Variants in CACNB2 observed in about 807,000 individuals in gnomAD.
The protein encoded by CACNB2 is calcium voltage-gated channel auxiliary subunit beta 2.
Under a neutral mutation model 73.3 loss-of-function variants are expected in CACNB2, and 42 were observed. That is an observed-to-expected ratio of 0.57 (90% confidence interval 0.45 to 0.74). CACNB2 has a LOEUF of 0.74. CACNB2 is among the 30% of genes least tolerant of loss of function. The pLI is 0.00. For missense variants in CACNB2, 940 were observed against 853.0 expected (o/e 1.10, Z -1.27); for synonymous variants, 348 against 310.3 (o/e 1.12, Z -1.28).
At chr10:18,496,791 G>T (rs1675080214) in intron 3 of CACNB2, among the ~76,000 whole-genome samples, 1 of 111,700 alleles carries the variant, frequency 9.0e-6, no homozygotes, top group Non-Finnish European at 1.7e-5. Flanking sequence ...TCCAGCTTGG[G>T]CAACAAGAGC....
chr10:18,437,787 C>G (rs1053566850), intron 3 of CACNB2, among the ~76,000 whole-genome samples: 2 of 152,072 alleles, frequency 1.3e-5, no homozygotes, highest in African/African-American at 4.8e-5. Context: ...GAATCTCCTT[C>G]TATTTGGGCA....
intron 1 of CACNB2, among the ~76,000 whole-genome samples, chr10:18,141,813 A>G (rs931786828): frequency 3.3e-5 from 5 of 152,176 alleles, no homozygotes; most frequent in Admixed American, 2.0e-4. Flanking sequence ...TTGGCTGGCC[A>G]GTGATGTGAA....
intron 2 of CACNB2, among the ~76,000 whole-genome samples, chr10:18,230,067 C>T (rs1230644097): frequency 2.0e-5 from 3 of 152,176 alleles, no homozygotes; most frequent in East Asian, 1.9e-4. Context: ...TCACTGATTG[C>T]ATTCCATGAA....
chr10:18,514,657 C>A, intron 7 of CACNB2: 3 of 1,144,126 alleles, frequency 2.6e-6, no homozygotes, highest in South Asian at 1.3e-5. Flanking sequence ...TAATTGAGTT[C>A]ATGCATTTCA....
rs527237327 is a variant in CACNB2, at chr10:18,297,679, C to A, written c.214-104245C>A. ...AACCTGAGCCCAGGGCTGCTCCACT[C>A]CCTGCTCTCTACCTTCTTCCCCTTG... On this transcript the variant is annotated intron_variant, in intron 2 of 13. Coordinates refer to ENST00000324631, the MANE Select transcript of CACNB2 (RefSeq NM_201596.3). Among the ~76,000 whole-genome samples, 85 of 152,308 alleles carry A rather than the reference C, an allele frequency of 5.6e-4. No homozygotes were observed. In the South Asian group the frequency reaches 0.017, roughly 30 times the overall value.
rs145290748 is a variant in CACNB2 at position 18,183,150 on chromosome 10, C to T, written c.213+32175C>T. ...AGGCTCTTCTTTCTCATCTGTAAAACGCAGATCCCAGTATCAACCCACACA... is the reference window on the plus strand; with the variant it reads ...AGGCTCTTCTTTCTCATCTGTAAAATGCAGATCCCAGTATCAACCCACACA... On this transcript the variant is annotated intron_variant, in intron 2 of 13. Coordinates refer to ENST00000324631, the MANE Select transcript of CACNB2 (RefSeq NM_201596.3). Among the ~76,000 whole-genome samples, 505 of 152,064 alleles carry T rather than the reference C, an allele frequency of 3.3e-3. 2 individuals carry two copies. Among genetic ancestry groups the T allele is most frequent in the African/African-American group, 0.012 (485 of 41,468 alleles).
Position 18,538,318 on chromosome 10 carries a change from G to C in CACNB2, c.1441G>C (p.Ala481Pro), listed in dbSNP as rs146623389. ...LPNPLLSRTL[A>P]TSSLPLSPTL... ...CAACCCTCTCCTTAGCCGTACATTA[G>C]CCACTTCAAGTCTGCCTCTTAGCCC... Residue 481 changes from alanine to proline, a missense_variant, in exon 13 of 14, where the codon GCC (alanine) becomes CCC (proline). By Grantham distance (27) the Ala-to-Pro change is conservative (BLOSUM62 -1). Coordinates refer to ENST00000324631, the MANE Select transcript of CACNB2 (RefSeq NM_201596.3). The C allele has an allele frequency of 6.2e-7, 1 of 1,614,116 alleles. No individual in the cohort carries two copies.
At chr10:18,215,806 C>T (rs909684030) in intron 2 of CACNB2, among the ~76,000 whole-genome samples, 8 of 152,154 alleles carry the variant, frequency 5.3e-5, no homozygotes, top group African/African-American at 1.7e-4. Context: ...TGCCCACTCC[C>T]AAGGCCATGT....
At chr10:18,253,809 T>C (rs2131563656) in intron 2 of CACNB2, among the ~76,000 whole-genome samples, 1 of 152,286 alleles carries the variant, frequency 6.6e-6, no homozygotes, top group East Asian at 1.9e-4. Flanking sequence ...CCCCCGACTC[T>C]GGAGCATGAA....
At chr10:18,503,117 CTT>C (rs2050297890) in intron 5 of CACNB2, among the ~76,000 whole-genome samples, 3 of 152,122 alleles carry the variant, frequency 2.0e-5, no homozygotes, top group African/African-American at 7.2e-5. Context: ...AAATATTAAA[CTT>C]TTGTTGAAAA....
intron 3 of CACNB2, among the ~76,000 whole-genome samples, chr10:18,488,978 G>C (rs1001843283): frequency 9.9e-5 from 15 of 152,058 alleles, no homozygotes; most frequent in African/African-American, 3.6e-4. Context: ...AAGAGTTTGA[G>C]ACCAGCCTGG....
chr10:18,351,497 AT>A (rs2041705668), intron 2 of CACNB2, among the ~76,000 whole-genome samples: 1 of 152,224 alleles, frequency 6.6e-6, no homozygotes, highest in Non-Finnish European at 1.5e-5. Flanking sequence ...CTGGAAAATG[AT>A]TTGCTACATC....
At chr10:18,484,727 C>T (rs765513422) in intron 3 of CACNB2, among the ~76,000 whole-genome samples, 16 of 152,320 alleles carry the variant, frequency 1.1e-4, no homozygotes, top group Middle Eastern at 3.4e-3. Flanking sequence ...CTTTCAACCA[C>T]GCAGTGCTGG....
intron 2 of CACNB2, among the ~76,000 whole-genome samples, chr10:18,255,066 G>T (rs575027959): frequency 6.6e-6 from 1 of 152,022 alleles, no homozygotes; most frequent in Middle Eastern, 3.4e-3. Flanking sequence ...CTCTCTAGCC[G>T]TCTTCCAATC....
intron 3 of CACNB2, among the ~76,000 whole-genome samples, chr10:18,462,703 T>C (rs962941482): frequency 6.6e-6 from 1 of 152,166 alleles, no homozygotes; most frequent in Non-Finnish European, 1.5e-5. Context: ...AAGTGAAAAG[T>C]ATCTCTTTCA....
At chr10:18,476,692 T>G (rs1409741890) in intron 3 of CACNB2, among the ~76,000 whole-genome samples, 1 of 152,122 alleles carries the variant, frequency 6.6e-6, no homozygotes, top group Non-Finnish European at 1.5e-5. Context: ...CCTGAATGGT[T>G]GCAGGAGGGT....
At chr10:18,536,415 T>G (rs1358814786) in intron 12 of CACNB2, among the ~76,000 whole-genome samples, 1 of 151,730 alleles carries the variant, frequency 6.6e-6, no homozygotes, top group Non-Finnish European at 1.5e-5. Flanking sequence ...CATGCCACCA[T>G]GATCGGCTAA....
intron 3 of CACNB2, among the ~76,000 whole-genome samples, chr10:18,479,466 T>C (rs4748471): frequency 0.14 from 20,685 of 152,190 alleles, 1,595 homozygotes; most frequent in Admixed American, 0.18. Flanking sequence ...GGACTAACTT[T>C]CTCTTTACAA....
intron 2 of CACNB2, among the ~76,000 whole-genome samples, chr10:18,226,372 A>T (rs11013076): frequency 1.3e-5 from 2 of 152,164 alleles, no homozygotes; most frequent in African/African-American, 2.4e-5. Context: ...ACTTCAGCAG[A>T]AGCTGGATCC....
Sources: gnomAD v4.1 joint callset for allele counts (sites outside exome capture counted in the v4.1 genomes callset) on GRCh38, gnomAD v4.1.1 for gene constraint, MANE v1.5 for transcripts, NCBI Gene and HGNC (gene_info 2026-07-23, HGNC 2026-07-21) for gene names.